RHOH: variants seen among roughly 807,000 people sequenced by gnomAD.
The protein encoded by RHOH is ras homolog family member H, also known as rho-related GTP-binding protein RhoH.
A neutral mutation model predicts 13.8 loss-of-function variants in RHOH; 6 were observed. That is an observed-to-expected ratio of 0.44 (90% CI 0.24 to 0.86). The LOEUF (loss-of-function observed/expected upper bound fraction) is 0.86. RHOH is among the 40% of genes least tolerant of loss of function. RHOH has a pLI of 0.24. For missense variants in RHOH, 147 were observed against 244.5 expected (o/e 0.60, Z 2.66); for synonymous variants, 117 against 103.0 (o/e 1.14, Z -0.82).
chr4:40,243,668 G>A lies in RHOH; in HGVS notation c.282G>A (p.Leu94=). 1 of 1,614,202 alleles carries A rather than the reference G, an allele frequency of 6.2e-7. No individual in the cohort carries two copies. Among genetic ancestry groups the A allele is most frequent in the Non-Finnish European group, 8.5e-7 (1 of 1,180,028 alleles). ...CCAACCATAACTCATTCCTGAACTT[G>A]AAGAACAAGTGGATTGGTGAAATTA... The part of the protein sequence containing the change: ...SVANHNSFLN[L]KNKWIGEIRS... Residue 94 remains leucine (L), a synonymous_variant, in exon 3 of 3, where the codon TTG becomes TTA. Transcript: ENST00000381799. This position sits in a 1 kb window ranked among gnomAD's most constrained non-coding sequence, Gnocchi z 6.2.
At chr4:40,206,016 A>G (rs1724598974) in intron 1 of RHOH, among the ~76,000 whole-genome samples, 1 of 152,212 alleles carries the variant, frequency 6.6e-6, no homozygotes, top group African/African-American at 2.4e-5. Context: ...TTTAATAATA[A>G]TATTGCATCA....
chr4:40,220,420 A>G (rs1295748621), intron 1 of RHOH, among the ~76,000 whole-genome samples: 2 of 152,162 alleles, frequency 1.3e-5, no homozygotes, highest in African/African-American at 4.8e-5. Flanking sequence ...ATTTATACGC[A>G]GAACATTGCG....
At chr4:40,214,121 T>C (rs1281147860) in intron 1 of RHOH, among the ~76,000 whole-genome samples, 1 of 152,212 alleles carries the variant, frequency 6.6e-6, no homozygotes, top group African/African-American at 2.4e-5. Flanking sequence ...TTGCTTGATG[T>C]GATGCAGGTT....
At chr4:40,196,705 T>A (rs1723173656), upstream of RHOH, among the ~76,000 whole-genome samples, 1 of 151,524 alleles carries the variant, frequency 6.6e-6, no homozygotes, top group Non-Finnish European at 1.5e-5. Flanking sequence ...TTTTTTTTTT[T>A]TTTTTTGGTA....
chr4:40,238,841 T>C (rs1728914586), intron 1 of RHOH, among the ~76,000 whole-genome samples: 1 of 152,128 alleles, frequency 6.6e-6, no homozygotes, highest in African/African-American at 2.4e-5. Flanking sequence ...CACGGAAGAC[T>C]CACTTTTTTT....
chr4:40,229,561 G>C (rs528253319), intron 1 of RHOH, among the ~76,000 whole-genome samples: 7 of 151,844 alleles, frequency 4.6e-5, no homozygotes, highest in South Asian at 2.1e-4. Context: ...TTGAACCTTG[G>C]GGGTGGAGGT....
chr4:40,243,910 G>A lies in RHOH; in HGVS notation c.524G>A (p.Arg175Lys). 1 of 1,614,138 alleles carries A rather than the reference G, an allele frequency of 6.2e-7. No individual in the cohort carries two copies. Among genetic ancestry groups the A allele is most frequent in the Non-Finnish European group, 8.5e-7 (1 of 1,180,000 alleles). Residue 175 changes from arginine to lysine, a missense_variant, in exon 3 of 3, where the codon AGG becomes AAG. Physicochemically the swap from Arg to Lys is conservative, Grantham distance 26. This residue lies in a region of RHOH where 31 missense variants were observed against 61.8 expected (regional missense o/e 0.50). Transcript: ENST00000381799. This position sits in a 1 kb window ranked among gnomAD's most constrained non-coding sequence, Gnocchi z 6.2. ...CAVRTAVNQA[R>K]RRNRRRLFSI... ...GTCCGAACTGCCGTCAACCAGGCCA[G>A]GAGACGAAACAGAAGGAGGCTCTTC...
At chr4:40,193,479 CGAGAGAGA>C (rs34244157), upstream of RHOH, among the ~76,000 whole-genome samples, 88 of 88,626 alleles carry the variant, frequency 9.9e-4, no homozygotes, top group South Asian at 1.4e-3. Context: ...AGAATGAGAG[CGAGAGAGA>C]GAGAGAGAGA....
In RHOH at chr4:40,246,380, C is replaced by A. The variant is rs1419165162; in HGVS notation, c.*2418C>A. On this transcript the variant is annotated 3_prime_UTR_variant, in exon 3 of 3. Transcript: ENST00000381799. ...TGGCAGCAGAGCAGGAAGGGAAGGC[C>A]AGAGAGGGCACACTCAAATGGCTTT... is the stretch of plus-strand genomic sequence containing the variant. 6.6e-6 allele frequency: 1 copy of A among 152,432 alleles called. No homozygotes were observed. The highest frequency in any genetic ancestry group is 2.4e-5 in the African/African-American group (1 of 41,402). 9.4% of individuals were successfully genotyped at this position (152,432 alleles called of 1,614,324 possible).
intron 1 of RHOH, among the ~76,000 whole-genome samples, chr4:40,201,974 A>T (rs10012763): frequency 0.03 from 3,988 of 132,626 alleles, 204 homozygotes; most frequent in African/African-American, 0.11. Context: ...TTTTTTTAAG[A>T]CAGGGTCTTG....
intron 1 of RHOH, among the ~76,000 whole-genome samples, chr4:40,210,723 A>C (rs888276086): frequency 6.6e-6 from 1 of 152,158 alleles, no homozygotes; most frequent in African/African-American, 2.4e-5. Flanking sequence ...TGCTGTTGAT[A>C]TCATCCCTTA....
chr4:40,194,043 C>T (rs1197496136), upstream of RHOH, among the ~76,000 whole-genome samples: 5 of 152,132 alleles, frequency 3.3e-5, no homozygotes, highest in Non-Finnish European at 5.9e-5. Flanking sequence ...GGCAGCTGTC[C>T]TTGTCTGACT....
chr4:40,201,749 G>C (rs1021068218), intron 1 of RHOH, among the ~76,000 whole-genome samples: 1 of 151,780 alleles, frequency 6.6e-6, no homozygotes, highest in Non-Finnish European at 1.5e-5. Flanking sequence ...GCAATTTGAC[G>C]ATATGTATCA....
intron 1 of RHOH, among the ~76,000 whole-genome samples, chr4:40,211,935 C>T (rs115951358): frequency 6.6e-6 from 1 of 152,162 alleles, no homozygotes; most frequent in Non-Finnish European, 1.5e-5. Flanking sequence ...TCTGAGAAAG[C>T]TGCCCCGAGC....
upstream of RHOH, chr4:40,193,731 A>T (rs2109327841): frequency 6.6e-6 from 1 of 152,670 alleles, no homozygotes. Context: ...AAAACTGGCA[A>T]TTCCAGGCAC....
Position 40,211,041 on chromosome 4 carries a change from G to T in RHOH, c.-331+13741G>T, listed in dbSNP as rs376676260. Among the ~76,000 whole-genome samples the T allele has an allele frequency of 2.6e-4, 39 of 152,294 alleles. No homozygotes were observed. The South Asian group carries it at 7.5e-3, about 29-fold the overall frequency. On this transcript the variant is annotated intron_variant, in intron 1 of 2. Transcript: ENST00000381799. The stretch of plus-strand genomic sequence containing the variant: ...TGGCAAACTAACAATGCGTGCCGTA[G>T]AGAATGTCATACATTAAATTAATGA...
intron 1 of RHOH, among the ~76,000 whole-genome samples, chr4:40,199,191 G>A (rs78036919): frequency 0.024 from 3,651 of 152,110 alleles, 84 homozygotes; most frequent in Non-Finnish European, 0.036. Flanking sequence ...GATCAAATGA[G>A]ATAAAAATAT....
upstream of RHOH, chr4:40,192,899 A>G (rs572884572): frequency 6.6e-6 from 1 of 152,306 alleles, no homozygotes; most frequent in African/African-American, 2.4e-5. Context: ...TTCTTAGGCC[A>G]TAGGGTCTTA....
At chr4:40,223,741 C>T (rs932905276) in intron 1 of RHOH, among the ~76,000 whole-genome samples, 2 of 146,908 alleles carry the variant, frequency 1.4e-5, no homozygotes, top group African/African-American at 5.0e-5. Flanking sequence ...TACTTTTAGA[C>T]ATCATGTATA....
Sources: allele counts gnomAD v4.1 joint callset (sites outside exome capture counted in the v4.1 genomes callset), GRCh38; gene constraint gnomAD v4.1.1; regional missense constraint gnomAD v4.1.1; non-coding constraint Gnocchi (gnomAD v3.1); transcripts MANE v1.5; gene names NCBI Gene and HGNC (gene_info 2026-07-23, HGNC 2026-07-21).